Variants in ACSM5 observed in about 807,000 individuals in gnomAD.
ACSM5 encodes acyl-coenzyme A synthetase ACSM5, mitochondrial.
In ACSM5, 56 loss-of-function variants were observed where a neutral mutation model predicts 71.6. That is an observed-to-expected ratio of 0.78 (90% CI 0.63 to 0.98). The LOEUF (loss-of-function observed/expected upper bound fraction) is 0.98. Ranked by LOEUF, ACSM5 falls within the 50% of genes least tolerant of loss-of-function variation. The probability of loss-of-function intolerance (pLI) is 0.00; values close to 1 mark genes in which losing one functional copy is unlikely to be tolerated. For missense variants in ACSM5, 723 were observed against 726.0 expected, an observed-to-expected ratio of 1.00 and a Z score of 0.05; for synonymous variants, 285 against 281.5, an observed-to-expected ratio of 1.01 and a Z score of -0.12.
chr16:20,426,250 T>C (rs1020866389), intron 6 of ACSM5, among the ~76,000 whole-genome samples: 3 of 152,250 alleles, frequency 2.0e-5, no homozygotes, highest in African/African-American at 7.2e-5. Flanking sequence ...AGCCAATGTA[T>C]GGACCTTCTC....
chr16:20,438,771 C>T (rs1469398043), intron 12 of ACSM5, among the ~76,000 whole-genome samples: 9 of 150,428 alleles, frequency 6.0e-5, no homozygotes, highest in African/African-American at 2.2e-4. Flanking sequence ...CTGGCTAACA[C>T]AGTGAAACCC....
Position 20,419,226 on chromosome 16 carries a change from AG to A in ACSM5, c.417del. 2 of 1,613,994 alleles carry A rather than the reference AG, an allele frequency of 1.2e-6. No homozygotes were observed. Among genetic ancestry groups the A allele is most frequent in the Non-Finnish European group, 1.7e-6 (2 of 1,179,996 alleles). On this transcript the variant is annotated splice_acceptor_variant, in intron 3 of 13. Coordinates refer to ENST00000331849, the MANE Select transcript of ACSM5 (RefSeq NM_017888.3). LOFTEE classifies it high-confidence loss of function. ...TCAACATCCCCTTCTGTTTTATGCC[AG>A]GGACTGTGATGATTCCGGGTGTGAC...
intron 2 of ACSM5, among the ~76,000 whole-genome samples, chr16:20,412,719 G>A (rs1391840750): frequency 1.3e-5 from 2 of 152,154 alleles, no homozygotes; most frequent in Non-Finnish European, 2.9e-5. Flanking sequence ...GTTGCCTAAG[G>A]TGGTGGATAA....
chr16:20,434,027 A>G (rs1364044981), intron 10 of ACSM5, among the ~76,000 whole-genome samples: 1 of 152,108 alleles, frequency 6.6e-6, no homozygotes, highest in Non-Finnish European at 1.5e-5. Context: ...TTGTTTTAAG[A>G]GTTGCTAACA....
chr16:20,437,165 G>A lies in ACSM5; in HGVS notation c.1422G>A (p.Val474=). Residue 474 remains valine, a synonymous_variant, in exon 11 of 14, where the codon GTG becomes GTA. Coordinates refer to ENST00000331849, the MANE Select transcript of ACSM5 (RefSeq NM_017888.3). ...GGTTCATGGGAAGAAACGACGATGT[G>A]ATCAATTCTTCAAGGTCAAGCTGTC... ...YFWFMGRNDD[V]INSSSYRIGP... 10 of 1,614,174 alleles carry A rather than the reference G, an allele frequency of 6.2e-6. No homozygotes were observed. Among genetic ancestry groups the A allele is most frequent in the African/African-American group, 1.3e-5 (1 of 75,046 alleles).
Position 20,427,789 on chromosome 16 carries a change from C to A in ACSM5, c.923C>A (p.Thr308Asn), listed in dbSNP as rs138922279. 1.1e-5 allele frequency: 17 copies of A among 1,611,696 alleles called. No individual in the cohort carries two copies. Among genetic ancestry groups the A allele is most frequent in the Non-Finnish European group, 1.4e-5 (16 of 1,177,830 alleles). Residue 308 changes from threonine (T) to asparagine (N), a missense_variant and splice_region_variant, in exon 7 of 14, where the codon ACT becomes AAT. By Grantham distance (65) the Thr-to-Asn change is moderately conservative (BLOSUM62 0). Coordinates refer to ENST00000331849, the MANE Select transcript of ACSM5 (RefSeq NM_017888.3). ...PRVDAKVILN[T>N]LSKFPITTLC... ...CTTTCACCCTTTGTTTTTGTTTAGA[C>A]TCTCTCCAAATTCCCGATAACCACC...
At chr16:20,427,962 T>C in intron 7 of ACSM5, 95 bp downstream of exon 7, 1 of 920,134 alleles carries the variant, frequency 1.1e-6, no homozygotes, top group Non-Finnish European at 1.8e-6. Context: ...TCCAACTCTC[T>C]TTCTTTCTCT....
At chr16:20,423,486 G>A (rs1294197726) in intron 5 of ACSM5, among the ~76,000 whole-genome samples, 1 of 152,154 alleles carries the variant, frequency 6.6e-6, no homozygotes, top group African/African-American at 2.4e-5. Flanking sequence ...CTCTATAATT[G>A]CACAAGGCTT....
chr16:20,416,667 T>G (rs1966856973), intron 2 of ACSM5, among the ~76,000 whole-genome samples: 1 of 152,148 alleles, frequency 6.6e-6, no homozygotes, highest in African/African-American at 2.4e-5. Flanking sequence ...TGACCTCTGA[T>G]TGGGCAATGG....
chr16:20,425,627 C>G, intron 6 of ACSM5, among the ~76,000 whole-genome samples: 1 of 152,128 alleles, frequency 6.6e-6, no homozygotes, highest in Non-Finnish European at 1.5e-5. Context: ...GCCATTCTTA[C>G]ACCTTTGCAT....
At position 20,419,244 on chromosome 16, in the gene ACSM5, G is replaced by T. The variant is rs762397001; in HGVS notation, c.432G>T (p.Pro144=). The change falls in exon 4 of 14, where the codon CCG becomes CCT. Residue 144 remains proline (P), a synonymous_variant. Transcript: ENST00000331849. ...ACMRTGTVMI[P]GVTQLTEKDL... ...TTATGCCAGGGACTGTGATGATTCC[G>T]GGTGTGACTCAGCTGACAGAGAAGG... is the stretch of plus-strand genomic sequence containing the variant. 6.2e-7 allele frequency: 1 copy of T among 1,614,014 alleles called. No individual in the cohort carries two copies. The highest frequency in any genetic ancestry group is 8.5e-7 in the Non-Finnish European group (1 of 1,180,000).
intron 10 of ACSM5, among the ~76,000 whole-genome samples, chr16:20,433,537 A>G (rs574372682): frequency 7.9e-4 from 120 of 152,324 alleles, no homozygotes; most frequent in African/African-American, 2.8e-3. Flanking sequence ...GTAAAGGATT[A>G]TATTATAGCA....
chr16:20,415,200 G>A (rs1396704271), intron 2 of ACSM5, among the ~76,000 whole-genome samples: 3 of 152,146 alleles, frequency 2.0e-5, no homozygotes, highest in South Asian at 4.1e-4. Context: ...AGAACCTGGT[G>A]GTTTGAACAA....
At chr16:20,419,106 T>C in intron 3 of ACSM5, 122 bp from the exon 4 acceptor site, 1 of 770,476 alleles carries the variant, frequency 1.3e-6, no homozygotes, top group South Asian at 1.7e-5. Flanking sequence ...ATTATTATTA[T>C]TGTTACGTCT....
At chr16:20,419,600 G>A (rs1385290852) in intron 4 of ACSM5, 165 bp downstream of exon 4, 5 of 655,706 alleles carry the variant, frequency 7.6e-6, no homozygotes, top group Non-Finnish European at 1.3e-5. Context: ...CTACCTTAAT[G>A]TTCAAGGTCC....
Position 20,423,127 on chromosome 16 carries a change from G to A in ACSM5, c.768-789G>A, listed in dbSNP as rs562485253. Among the ~76,000 whole-genome samples, 46 of 152,266 alleles carry A rather than the reference G, an allele frequency of 3.0e-4. 1 individual carries two copies. The highest frequency in any genetic ancestry group is 8.9e-4 in the African/African-American group (37 of 41,550). On this transcript the variant is annotated intron_variant, in intron 5 of 13. Coordinates refer to ENST00000331849, the MANE Select transcript of ACSM5 (RefSeq NM_017888.3). ...CATACCATGAGATGGGATGAGATCA[G>A]CAAAGTGTAATATAAACTGAAAAGA...
chr16:20,411,903 C>T (rs1966848530), intron 2 of ACSM5: 1 of 570,816 alleles, frequency 1.8e-6, no homozygotes, highest in Non-Finnish European at 3.1e-6. Flanking sequence ...TCTGAAGTGT[C>T]CTGCATTCTT....
In ACSM5 at chr16:20,421,290, CAA is replaced by C. The variant is rs780674829; in HGVS notation, c.658_659del (p.Lys220GlufsTer45). The C allele has an allele frequency of 3.7e-5, 60 of 1,605,958 alleles. No individual in the cohort carries two copies. Among genetic ancestry groups the C allele is most frequent in the Non-Finnish European group, 4.8e-5 (57 of 1,175,540 alleles). On this transcript the variant is annotated frameshift_variant, in exon 5 of 14. Transcript: ENST00000331849. LOFTEE classifies it high-confidence loss of function. ...TCTACAGAGCACAACTGCATGAGGA[CAA>C]AGAGTCGAGACCCGCTGGCCATCTA...
intron 2 of ACSM5, chr16:20,411,991 T>C (rs1302600687): frequency 1.1e-5 from 4 of 380,334 alleles, no homozygotes; most frequent in South Asian, 2.5e-5. Context: ...GGAGGAAGTT[T>C]TGTTTTGCTG....
Sources: gnomAD v4.1 joint callset for allele counts (sites outside exome capture counted in the v4.1 genomes callset) on GRCh38, gnomAD v4.1.1 for gene constraint, MANE v1.5 for transcripts, NCBI Gene and HGNC (gene_info 2026-07-23, HGNC 2026-07-21) for gene names.